The following AFF2 variants were observed in gnomAD, a reference collection of about 807,000 sequenced individuals.
AFF2 encodes ALF transcription elongation factor 2, also known as AF4/FMR2 family member 2.
AFF2 carries 14 observed loss-of-function variants against 76.9 expected under a neutral mutation model. The ratio of observed to expected loss-of-function variants is 0.18; its 90% CI spans 0.12 to 0.28. AFF2 has a LOEUF of 0.28. Ranked by LOEUF, AFF2 falls within the 10% of genes least tolerant of loss-of-function variation. The pLI is 1.00. For missense variants in AFF2, 868 were observed against 1,001.1 expected, an observed-to-expected ratio of 0.87 and a Z score of 1.79; for synonymous variants, 398 against 366.7, an observed-to-expected ratio of 1.09 and a Z score of -0.98.
chrX:148,737,631 C>T (rs1557265219), intron 3 of AFF2, among the ~76,000 whole-genome samples: 2 of 111,677 alleles, frequency 1.8e-5, no homozygotes, highest in Non-Finnish European at 1.9e-5. Context: ...TCTGATTACT[C>T]TGGCTAGGGC....
At chrX:148,910,365 G>A (rs782455001) in intron 9 of AFF2, among the ~76,000 whole-genome samples, 2 of 112,510 alleles carry the variant, frequency 1.8e-5, no homozygotes, top group South Asian at 7.4e-4. Context: ...AACTGTGATA[G>A]GTGCTGAGGA....
intron 15 of AFF2, among the ~76,000 whole-genome samples, chrX:148,970,763 A>G (rs1167091334): frequency 8.9e-6 from 1 of 112,032 alleles, no homozygotes; most frequent in African/African-American, 3.2e-5. Flanking sequence ...GTCAACAGTC[A>G]TACTACAGCT....
At position 148,879,340 on chromosome X, in the gene AFF2, A is replaced by G. The variant is rs2071070866; in HGVS notation, c.1263-6549A>G. ...TCTTATTAAATCCTATGCAATATCC[A>G]TGGAGCCACAACCATCTCCATAAAA... is the stretch of plus-strand genomic sequence containing the variant. On this transcript the variant is annotated intron_variant, in intron 7 of 20. Transcript: ENST00000370460. 3.6e-5 allele frequency among the ~76,000 whole-genome samples: 4 copies of G among 111,879 alleles called. No homozygotes were observed. In the South Asian group the frequency reaches 1.5e-3, roughly 42 times the overall value.
At chrX:148,718,676 C>CTA (rs2055054870) in intron 3 of AFF2, among the ~76,000 whole-genome samples, 1 of 111,694 alleles carries the variant, frequency 9.0e-6, no homozygotes. Flanking sequence ...CTCTCTCCTT[C>CTA]TATGTGTGTT....
At chrX:148,934,381 A>G (rs782087445) in intron 9 of AFF2, among the ~76,000 whole-genome samples, 1 of 111,558 alleles carries the variant, frequency 9.0e-6, no homozygotes, top group South Asian at 3.8e-4. Context: ...CAGTTTCAAG[A>G]GCTGGATTAG....
intron 3 of AFF2, among the ~76,000 whole-genome samples, chrX:148,725,600 C>T (rs1209794031): frequency 8.1e-5 from 9 of 111,649 alleles, no homozygotes; most frequent in African/African-American, 1.3e-4. Flanking sequence ...ACATAATGTC[C>T]GTCTTTGATA....
chrX:148,857,846 A>C (rs1258328349), intron 7 of AFF2, among the ~76,000 whole-genome samples: 1 of 111,573 alleles, frequency 9.0e-6, no homozygotes, highest in Non-Finnish European at 1.9e-5. Context: ...CTCTTGCTTA[A>C]ATTTTAGATC....
In AFF2 at chrX:148,955,997, C is replaced by A. The variant is rs2072031253; in HGVS notation, c.1952C>A (p.Thr651Asn). ...TTTACCTGGCCCAAACCAAATATTA[C>A]CAGCAGCACTCCCAAAGAAAAAGAA... Reference protein sequence around the residue: ...DEFTWPKPNITSSTPKEKESV... With the variant: ...DEFTWPKPNINSSTPKEKESV... The change falls in exon 11 of 21, where the codon ACC becomes AAC. Residue 651 changes from threonine (T) to asparagine (N), a missense_variant. Thr to Asn is a moderately conservative substitution (Grantham distance 65, BLOSUM62 0). Coordinates refer to ENST00000370460, the MANE Select transcript of AFF2 (RefSeq NM_002025.4). 10 of 1,211,325 alleles carry A rather than the reference C, an allele frequency of 8.3e-6. No individual in the cohort carries two copies. The East Asian group carries it at 8.9e-5, about 11-fold the overall frequency.
rs782504573 is a variant in AFF2 at position 148,782,408 on chromosome X, C to T, written c.1042-27468C>T. 8.1e-4 allele frequency among the ~76,000 whole-genome samples: 90 copies of T among 111,518 alleles called. 1 individual carries two copies. Among genetic ancestry groups the T allele is most frequent in the Non-Finnish European group, 1.4e-3 (74 of 53,099 alleles). ...TAAATTTGGAGACCAGTCAATGTTA[C>T]GTCTACATTTTGGAAGTTAGGAACT... is the stretch of plus-strand genomic sequence containing the variant. On this transcript the variant is annotated intron_variant, in intron 3 of 20. Coordinates refer to ENST00000370460, the MANE Select transcript of AFF2 (RefSeq NM_002025.4).
intron 9 of AFF2, among the ~76,000 whole-genome samples, chrX:148,939,231 A>G (rs1557285325): frequency 8.9e-6 from 1 of 111,926 alleles, no homozygotes; most frequent in Non-Finnish European, 1.9e-5. Context: ...TAAATTATCT[A>G]TACTACTAGA....
At chrX:148,784,871 ACT>A (rs1269887035) in intron 3 of AFF2, among the ~76,000 whole-genome samples, 8 of 111,315 alleles carry the variant, frequency 7.2e-5, no homozygotes, top group African/African-American at 2.6e-4. Context: ...CAAACGGCTC[ACT>A]GTCTCCATGC....
intron 3 of AFF2, among the ~76,000 whole-genome samples, chrX:148,667,077 G>A (rs1557258562): frequency 8.9e-6 from 1 of 112,272 alleles, no homozygotes; most frequent in African/African-American, 3.2e-5. Context: ...TTTACATGCT[G>A]CTCTTGGCTG....
chrX:148,508,602 G>A (rs1250065154), intron 1 of AFF2, among the ~76,000 whole-genome samples: 1 of 111,608 alleles, frequency 9.0e-6, no homozygotes, highest in Non-Finnish European at 1.9e-5. Context: ...ACTATCTGTT[G>A]AACAATGAAA....
chrX:148,609,109 C>G (rs1330926948), intron 1 of AFF2, among the ~76,000 whole-genome samples: 1 of 111,111 alleles, frequency 9.0e-6, no homozygotes, highest in East Asian at 2.8e-4. Flanking sequence ...CTTCAGTGAC[C>G]AAAATCCAGA....
intron 1 of AFF2, among the ~76,000 whole-genome samples, chrX:148,545,268 C>G (rs1280151791): frequency 1.8e-5 from 2 of 111,502 alleles, no homozygotes; most frequent in African/African-American, 6.5e-5. Flanking sequence ...CAGTTCAGGC[C>G]TGTCTCCATT....
At chrX:148,824,885 T>C (rs1041557250) in intron 4 of AFF2, among the ~76,000 whole-genome samples, 1 of 110,593 alleles carries the variant, frequency 9.0e-6, no homozygotes, top group Non-Finnish European at 1.9e-5. Flanking sequence ...AAAAATAAGT[T>C]AATTGGCTGG....
intron 3 of AFF2, among the ~76,000 whole-genome samples, chrX:148,755,000 A>G (rs2055544753): frequency 1.8e-5 from 2 of 111,994 alleles, no homozygotes; most frequent in Non-Finnish European, 3.8e-5. Context: ...GAGTTCATGC[A>G]CTCATAGATG....
intron 7 of AFF2, among the ~76,000 whole-genome samples, chrX:148,867,190 A>AT (rs2070917331): frequency 8.9e-6 from 1 of 112,752 alleles, no homozygotes; most frequent in South Asian, 3.7e-4. Context: ...GTTGTCCCAC[A>AT]TTGAGGCAAG....
Position 148,705,446 on chromosome X carries a change from G to A in AFF2, c.1041+42678G>A, listed in dbSNP as rs782765966. Among the ~76,000 whole-genome samples the A allele has an allele frequency of 7.0e-4, 79 of 112,220 alleles. 1 individual carries two copies. Among genetic ancestry groups the A allele is most frequent in the Non-Finnish European group, 3.4e-4 (18 of 53,240 alleles). On this transcript the variant is annotated intron_variant, in intron 3 of 20. Transcript: ENST00000370460. The stretch of plus-strand genomic sequence containing the variant: ...TATTTTCCAAAAGGGCAGTGATCAC[G>A]TTGCAGTTGACTCTATACTGTTAAG...
Sources: gnomAD v4.1 joint callset for allele counts (sites outside exome capture counted in the v4.1 genomes callset) on GRCh38, gnomAD v4.1.1 for gene constraint, MANE v1.5 for transcripts, NCBI Gene and HGNC (gene_info 2026-07-23, HGNC 2026-07-21) for gene names.